Variants in GRIK2 observed in about 807,000 individuals in gnomAD.
GRIK2 encodes glutamate receptor ionotropic, kainate 2.
In GRIK2, 32 loss-of-function variants were observed where a neutral mutation model predicts 100.3. The ratio of observed to expected loss-of-function variants is 0.32; its 90% CI spans 0.24 to 0.43. GRIK2 has a LOEUF of 0.43. GRIK2 is among the 20% of genes least tolerant of loss of function. The pLI, the probability that GRIK2 is intolerant of heterozygous loss-of-function variation, is 1.00. For missense variants in GRIK2, 843 were observed against 1,114.9 expected, an observed-to-expected ratio of 0.76 and a Z score of 3.47; for synonymous variants, 417 against 389.4, an observed-to-expected ratio of 1.07 and a Z score of -0.83.
chr6:102,032,224 A>ATGAT (rs1183846497), intron 14 of GRIK2, among the ~76,000 whole-genome samples: 1 of 151,202 alleles, frequency 6.6e-6, no homozygotes, highest in Non-Finnish European at 1.5e-5. Flanking sequence ...TCCTTCCTTG[A>ATGAT]TGATTACCTT....
intron 14 of GRIK2, among the ~76,000 whole-genome samples, chr6:102,026,464 C>A (rs1354269511): frequency 1.3e-5 from 2 of 150,946 alleles, no homozygotes; most frequent in Non-Finnish European, 3.0e-5. Context: ...AAAATATATT[C>A]TTGATGGCTA....
chr6:101,420,603 C>T (rs2852517), intron 2 of GRIK2, among the ~76,000 whole-genome samples: 4,420 of 152,104 alleles, frequency 0.029, 127 homozygotes, highest in South Asian at 0.15. Context: ...AATCTGTGCC[C>T]GAACAGGACC....
chr6:101,794,147 G>T (rs1474801663), intron 7 of GRIK2, among the ~76,000 whole-genome samples: 1 of 152,088 alleles, frequency 6.6e-6, no homozygotes, highest in African/African-American at 2.4e-5. Context: ...GGAACTCCCT[G>T]ACCCCTTGCG....
At chr6:101,730,296 CAGTAAGAA>C (rs1775169643) in intron 7 of GRIK2, among the ~76,000 whole-genome samples, 1 of 151,824 alleles carries the variant, frequency 6.6e-6, no homozygotes, top group South Asian at 2.1e-4. Flanking sequence ...ATTTCTGTGT[CAGTAAGAA>C]AGAAGTTAAG....
intron 12 of GRIK2, among the ~76,000 whole-genome samples, chr6:101,922,604 A>T (rs1450263870): frequency 6.6e-6 from 1 of 152,190 alleles, no homozygotes; most frequent in Admixed American, 6.5e-5. Flanking sequence ...AATATTTGCC[A>T]CCTGCTGGCA....
chr6:101,447,751 T>C (rs1031239563), intron 2 of GRIK2, among the ~76,000 whole-genome samples: 5 of 151,650 alleles, frequency 3.3e-5, no homozygotes, highest in African/African-American at 1.2e-4. Context: ...TTGGGGCAAT[T>C]CATATTGTTA....
chr6:101,444,884 G>C (rs1770282391), intron 2 of GRIK2, among the ~76,000 whole-genome samples: 1 of 151,990 alleles, frequency 6.6e-6, no homozygotes, highest in Admixed American at 6.6e-5. Flanking sequence ...ACAGGCCCCT[G>C]GGGCCAGTCC....
At chr6:101,672,146 A>G (rs1374484649) in intron 4 of GRIK2, among the ~76,000 whole-genome samples, 1 of 151,762 alleles carries the variant, frequency 6.6e-6, no homozygotes, top group Non-Finnish European at 1.5e-5. Flanking sequence ...TTTGTATTTT[A>G]CCTCCCTCCC....
intron 10 of GRIK2, among the ~76,000 whole-genome samples, chr6:101,850,573 T>C (rs1346556741): frequency 1.3e-5 from 2 of 152,020 alleles, no homozygotes; most frequent in African/African-American, 2.4e-5. Flanking sequence ...AGTTTTATTA[T>C]ATTTAAATAA....
chr6:102,039,950 T>G (rs1770479155), intron 15 of GRIK2, among the ~76,000 whole-genome samples: 1 of 151,514 alleles, frequency 6.6e-6, no homozygotes, highest in African/African-American at 2.4e-5. Flanking sequence ...GAAAAAGGGA[T>G]GGAGGGAATT....
intron 11 of GRIK2, among the ~76,000 whole-genome samples, chr6:101,879,894 A>G (rs1387503948): frequency 6.6e-6 from 1 of 151,966 alleles, no homozygotes; most frequent in Non-Finnish European, 1.5e-5. Context: ...ACTCAGCCAG[A>G]CAGGCATCAG....
intron 16 of GRIK2, chr6:102,063,991 C>T (rs371990900): frequency 8.3e-5 from 130 of 1,558,174 alleles, no homozygotes; most frequent in Non-Finnish European, 1.1e-4. Context: ...TGCCACCATA[C>T]CATCCAGACA....
chr6:101,671,179 A>T (rs999194471), intron 4 of GRIK2, among the ~76,000 whole-genome samples: 1 of 152,198 alleles, frequency 6.6e-6, no homozygotes, highest in Non-Finnish European at 1.5e-5. Flanking sequence ...TAAATTAGCA[A>T]TTCTTAGACA....
At chr6:101,555,732 T>C (rs1776706272) in intron 2 of GRIK2, among the ~76,000 whole-genome samples, 1 of 152,204 alleles carries the variant, frequency 6.6e-6, no homozygotes, top group African/African-American at 2.4e-5. Flanking sequence ...AGTCAATCTA[T>C]AAAGTGGAAA....
At chr6:101,659,604 G>A (rs1769457013) in intron 4 of GRIK2, among the ~76,000 whole-genome samples, 1 of 152,148 alleles carries the variant, frequency 6.6e-6, no homozygotes, top group Admixed American at 6.5e-5. Context: ...TGCAGTAGCT[G>A]GTACTAGTTT....
chr6:101,716,168 C>T (rs1774049339), intron 7 of GRIK2, among the ~76,000 whole-genome samples: 1 of 151,744 alleles, frequency 6.6e-6, no homozygotes, highest in African/African-American at 2.4e-5. Context: ...TTCTTATGTT[C>T]TTTCAGACCA....
At chr6:102,041,006 TA>T (rs1770536434) in intron 15 of GRIK2, among the ~76,000 whole-genome samples, 1 of 151,614 alleles carries the variant, frequency 6.6e-6, no homozygotes, top group Non-Finnish European at 1.5e-5. Context: ...GAGACTGAAT[TA>T]ACAAATAAAC....
chr6:101,539,727 C>T (rs1775893725), intron 2 of GRIK2, among the ~76,000 whole-genome samples: 1 of 151,578 alleles, frequency 6.6e-6, no homozygotes, highest in Non-Finnish European at 1.5e-5. Flanking sequence ...GTCATAAACA[C>T]AATTCTCAAG....
chr6:101,398,245 CCATT>C (rs1208032921), intron 1 of GRIK2, among the ~76,000 whole-genome samples: 1 of 152,112 alleles, frequency 6.6e-6, no homozygotes, highest in African/African-American at 2.4e-5. Flanking sequence ...TTTGCTGCAC[CCATT>C]CAAACATCAT....
Sources: gnomAD v4.1 joint callset for allele counts (sites outside exome capture counted in the v4.1 genomes callset) on GRCh38, gnomAD v4.1.1 for gene constraint, MANE v1.5 for transcripts, NCBI Gene and HGNC (gene_info 2026-07-23, HGNC 2026-07-21) for gene names.